Variants in SIPA1L2 observed in about 807,000 individuals in gnomAD.
The protein encoded by SIPA1L2 is signal induced proliferation associated 1 like 2.
Under a neutral mutation model 163.9 loss-of-function variants are expected in SIPA1L2, and 56 were observed. The observed-to-expected ratio is 0.34, with a 90% CI of 0.28 to 0.43. The LOEUF is 0.43. Ranked by LOEUF, SIPA1L2 falls within the 20% of genes least tolerant of loss-of-function variation. The pLI, the probability that SIPA1L2 is intolerant of heterozygous loss-of-function variation, is 1.00. For missense variants in SIPA1L2, 1,974 were observed against 2,193.5 expected (o/e 0.90, Z 2.00); for synonymous variants, 877 against 865.7 (o/e 1.01, Z -0.23).
Position 232,398,963 on chromosome 1 carries a change from G to T in SIPA1L2, c.*164C>A. ...CGCTGCTCTCTGCCGTGGTTACCGA[G>T]AAAGAGTCGAGGCTCCCTATCCTGC... On this transcript the variant is annotated 3_prime_UTR_variant, in exon 23 of 23. Transcript: ENST00000674635. 2.2e-6 allele frequency: 2 copies of T among 901,852 alleles called. No individual in the cohort carries two copies. The highest frequency in any genetic ancestry group is 3.5e-4 in the Middle Eastern group (1 of 2,856). The allele number at this position is 901,852 out of a possible 1,614,324, so 55.9% of individuals were successfully genotyped here.
intron 13 of SIPA1L2, 56 bp from the exon 14 acceptor site, chr1:232,441,450 T>C (rs1198770285): frequency 3.8e-5 from 53 of 1,395,466 alleles, no homozygotes; most frequent in Non-Finnish European, 5.3e-5. Flanking sequence ...ACCAAAAGAG[T>C]AAAGAAAACC....
At chr1:232,413,871 T>A (rs113517399) in intron 19 of SIPA1L2, among the ~76,000 whole-genome samples, 45 of 151,928 alleles carry the variant, frequency 3.0e-4, no homozygotes, top group African/African-American at 1.0e-3. Flanking sequence ...CTGGTCAGAG[T>A]GAGAGACTGT....
intron 2 of SIPA1L2, among the ~76,000 whole-genome samples, chr1:232,569,561 C>T (rs958876286): frequency 1.3e-5 from 2 of 152,162 alleles, no homozygotes; most frequent in African/African-American, 4.8e-5. Context: ...ACCTGTAATC[C>T]CAGCACTTTG....
chr1:232,594,337 C>T (rs1458919399), intron 1 of SIPA1L2, among the ~76,000 whole-genome samples: 1 of 152,198 alleles, frequency 6.6e-6, no homozygotes, highest in African/African-American at 2.4e-5. Flanking sequence ...TAAAAATCAA[C>T]AGCTGGTGCT....
chr1:232,438,490 T>C (rs1662694918), intron 15 of SIPA1L2, among the ~76,000 whole-genome samples: 1 of 152,220 alleles, frequency 6.6e-6, no homozygotes, highest in Non-Finnish European at 1.5e-5. Context: ...CAGAGAAGTA[T>C]GTCAAACAGG....
intron 3 of SIPA1L2, among the ~76,000 whole-genome samples, chr1:232,512,810 A>AT (rs1400779515): frequency 2.6e-5 from 4 of 152,026 alleles, no homozygotes; most frequent in South Asian, 4.1e-4. Flanking sequence ...AGTAAAAAAA[A>AT]AAATAAATAA....
intron 3 of SIPA1L2, 133 bp from the exon 4 acceptor site, chr1:232,493,793 T>A: frequency 8.5e-7 from 1 of 1,172,140 alleles, no homozygotes; most frequent in Non-Finnish European, 1.2e-6. Context: ...TCCTTGTATC[T>A]GTTTCATCAA....
intron 18 of SIPA1L2, among the ~76,000 whole-genome samples, chr1:232,421,089 G>A (rs1368367946): frequency 1.3e-5 from 2 of 152,194 alleles, no homozygotes. Flanking sequence ...TTCTCAGGAT[G>A]AGTTAAAAAA....
intron 2 of SIPA1L2, among the ~76,000 whole-genome samples, chr1:232,523,590 A>G (rs1667552022): frequency 6.6e-6 from 1 of 152,238 alleles, no homozygotes; most frequent in Non-Finnish European, 1.5e-5. Flanking sequence ...CTATTCTTTA[A>G]ATGAATGTTT....
chr1:232,604,925 C>T (rs1661816061), intron 1 of SIPA1L2, among the ~76,000 whole-genome samples: 1 of 152,120 alleles, frequency 6.6e-6, no homozygotes, highest in Non-Finnish European at 1.5e-5. Flanking sequence ...TGGCCAGCAT[C>T]ATGCTTCCCG....
chr1:232,415,709 G>T, intron 18 of SIPA1L2, 84 bp from the exon 19 acceptor site: 1 of 1,581,210 alleles, frequency 6.3e-7, no homozygotes, highest in Non-Finnish European at 8.6e-7. Flanking sequence ...GGGCACCACT[G>T]CCCCTCCCAG....
At chr1:232,527,343 G>A (rs1445140131) in intron 2 of SIPA1L2, among the ~76,000 whole-genome samples, 1 of 152,172 alleles carries the variant, frequency 6.6e-6, no homozygotes, top group Non-Finnish European at 1.5e-5. Flanking sequence ...CTCAAATCCA[G>A]GAGTAATGCT....
intron 15 of SIPA1L2, among the ~76,000 whole-genome samples, chr1:232,437,587 C>G (rs147990144): frequency 3.0e-4 from 45 of 152,298 alleles, no homozygotes; most frequent in African/African-American, 9.4e-4. Context: ...TCCTGCTTCT[C>G]TTCTGGGGCA....
intron 1 of SIPA1L2, among the ~76,000 whole-genome samples, chr1:232,622,700 T>C (rs1181119860): frequency 6.6e-6 from 1 of 152,166 alleles, no homozygotes; most frequent in Admixed American, 6.5e-5. Flanking sequence ...TGGAACACAG[T>C]CCCTCTTCAG....
chr1:232,400,756 C>T (rs901292490), intron 22 of SIPA1L2, among the ~76,000 whole-genome samples: 4 of 152,110 alleles, frequency 2.6e-5, no homozygotes, highest in Admixed American at 1.3e-4. Flanking sequence ...ACACTCTGGC[C>T]GTTCAGCCTC....
intron 6 of SIPA1L2, among the ~76,000 whole-genome samples, chr1:232,482,530 C>CA (rs2102975642): frequency 6.6e-6 from 1 of 152,064 alleles, no homozygotes; most frequent in South Asian, 2.1e-4. Context: ...TGAATTATGT[C>CA]TGAGGCATGG....
At chr1:232,460,116 T>C (rs1310550779) in intron 10 of SIPA1L2, among the ~76,000 whole-genome samples, 2 of 152,192 alleles carry the variant, frequency 1.3e-5, no homozygotes, top group African/African-American at 4.8e-5. Flanking sequence ...CTACCACCAG[T>C]CATGCATTAA....
chr1:232,417,489 GT>G (rs1661329025), intron 18 of SIPA1L2, among the ~76,000 whole-genome samples: 1 of 152,206 alleles, frequency 6.6e-6, no homozygotes, highest in African/African-American at 2.4e-5. Flanking sequence ...TTGCCAAGAG[GT>G]TAACCAGCAG....
rs1667813834 is a variant in SIPA1L2, at chr1:232,528,220, T to TA, written c.-269-12613dup. ...GGATTTACTATTCCCCAAACCCTTG[T>TA]AGGTTCATTCGATCCATAAAAAATC... On this transcript the variant is annotated intron_variant, in intron 2 of 22. Coordinates refer to ENST00000674635, the MANE Select transcript of SIPA1L2 (RefSeq NM_020808.5). Among the ~76,000 whole-genome samples the TA allele has an allele frequency of 2.0e-5, 3 of 151,710 alleles. No individual in the cohort carries two copies. In the South Asian group the frequency reaches 6.2e-4, roughly 32 times the overall value.
Sources: gnomAD v4.1 joint callset for allele counts (sites outside exome capture counted in the v4.1 genomes callset) on GRCh38, gnomAD v4.1.1 for gene constraint, MANE v1.5 for transcripts, NCBI Gene and HGNC (gene_info 2026-07-23, HGNC 2026-07-21) for gene names.